The following RASGRF1 variants were observed in gnomAD, a reference collection of about 807,000 sequenced individuals.
RASGRF1 encodes Ras protein specific guanine nucleotide releasing factor 1.
A neutral mutation model predicts 138.7 loss-of-function variants in RASGRF1; 40 were observed. The observed-to-expected ratio is 0.29, with a 90% CI of 0.22 to 0.38. RASGRF1 has a LOEUF of 0.38. RASGRF1 is among the 10% of genes least tolerant of loss of function. RASGRF1 has a pLI of 1.00. For synonymous variants in RASGRF1, 614 were observed against 663.2 expected, an observed-to-expected ratio of 0.93 and a Z score of 1.14; for missense variants, 1,108 against 1,650.4, an observed-to-expected ratio of 0.67 and a Z score of 5.69.
chr15:79,039,450 T>A (rs988337167), intron 5 of RASGRF1, among the ~76,000 whole-genome samples: 13 of 152,190 alleles, frequency 8.5e-5, no homozygotes, highest in African/African-American at 3.1e-4. Flanking sequence ...ATATTTTAAT[T>A]ACAGGTGGGG....
intron 16 of RASGRF1, 87 bp downstream of exon 16, chr15:79,001,575 T>G: frequency 6.1e-6 from 9 of 1,467,286 alleles, no homozygotes; most frequent in Non-Finnish European, 8.4e-6. Context: ...GCATAAGGGA[T>G]GACACCCACT....
intron 10 of RASGRF1, 24 bp from the exon 11 acceptor site, chr15:79,020,128 CTTT>C (rs1466449759): frequency 6.2e-7 from 1 of 1,611,944 alleles, no homozygotes; most frequent in Non-Finnish European, 8.5e-7. Context: ...GCAGGGGCTG[CTTT>C]GGATTGAGGG....
intron 9 of RASGRF1, 45 bp from the exon 10 acceptor site, chr15:79,025,519 C>T (rs368082188): frequency 7.6e-6 from 12 of 1,576,360 alleles, no homozygotes; most frequent in Non-Finnish European, 1.0e-5. Context: ...CCTGGGGTGA[C>T]CTTTGCCTCT....
At position 79,017,851 on chromosome 15, in the gene RASGRF1, T is replaced by C. The variant is rs762724512; in HGVS notation, c.1662A>G (p.Pro554=). ...DHLDFKIGVE[P]KDSPPFTVIL... ...TGACTGTAAAGGGCGGGGAATCCTT[T>C]GGCTCCACCCCGATTTTAAAATCCA... The change falls in exon 12 of 27, where the codon CCA becomes CCG. Residue 554 remains proline (P), a synonymous_variant. Coordinates refer to ENST00000558480, the MANE Select transcript of RASGRF1 (RefSeq NM_001145648.3). 6.8e-6 allele frequency: 11 copies of C among 1,613,694 alleles called. No individual in the cohort carries two copies. Among genetic ancestry groups the C allele is most frequent in the South Asian group, 3.3e-5 (3 of 91,004 alleles).
intron 26 of RASGRF1, among the ~76,000 whole-genome samples, chr15:78,968,291 A>G (rs1047490651): frequency 3.0e-5 from 3 of 99,480 alleles, no homozygotes; most frequent in African/African-American, 1.3e-4. Flanking sequence ...TTATTTTTAG[A>G]CACAAAGCCT....
intron 5 of RASGRF1, among the ~76,000 whole-genome samples, chr15:79,040,485 G>A (rs952506576): frequency 6.6e-6 from 1 of 152,204 alleles, no homozygotes; most frequent in African/African-American, 2.4e-5. Flanking sequence ...GCCTCTGTCT[G>A]TCTCATGGGC....
At chr15:79,064,606 T>C (rs2057652475) in intron 1 of RASGRF1, 80 bp from the exon 2 acceptor site, 2 of 1,362,464 alleles carry the variant, frequency 1.5e-6, no homozygotes, top group Non-Finnish European at 2.1e-6. Flanking sequence ...TCTAGCTGTT[T>C]TGCAAAGTGC....
At chr15:79,077,392 C>T (rs2057848000) in intron 1 of RASGRF1, among the ~76,000 whole-genome samples, 1 of 152,186 alleles carries the variant, frequency 6.6e-6, no homozygotes, top group African/African-American at 2.4e-5. Context: ...GCTCCTCGTT[C>T]ATGAAAAGGC....
chr15:79,048,606 T>C (rs2057386362), intron 4 of RASGRF1, among the ~76,000 whole-genome samples: 1 of 152,240 alleles, frequency 6.6e-6, no homozygotes, highest in South Asian at 2.1e-4. Context: ...GCTATTTCTA[T>C]TCTTGAGAAA....
intron 11 of RASGRF1, among the ~76,000 whole-genome samples, chr15:79,018,501 C>T (rs2056912554): frequency 6.6e-6 from 1 of 152,206 alleles, no homozygotes; most frequent in African/African-American, 2.4e-5. Context: ...CTTTTCAATG[C>T]ACTCACATTA....
rs375421392 is a variant in RASGRF1, at chr15:78,973,111, C to T, written c.3612+192G>A. On this transcript the variant is annotated intron_variant, in intron 25 of 26. Coordinates refer to ENST00000558480, the MANE Select transcript of RASGRF1 (RefSeq NM_001145648.3). This position sits in a 1 kb window ranked among gnomAD's most constrained non-coding sequence, Gnocchi z 4.9. Reference sequence around the variant, plus strand: ...AGGAAATGCCGGTGAAAGCATGGCTCAGGGCCTGCCAGATTCTAACTGCTC... The same window carrying T: ...AGGAAATGCCGGTGAAAGCATGGCTTAGGGCCTGCCAGATTCTAACTGCTC... Among the ~76,000 whole-genome samples, 11 of 152,290 alleles carry T rather than the reference C, an allele frequency of 7.2e-5. No individual in the cohort carries two copies. The East Asian group carries it at 1.7e-3, about 24-fold the overall frequency.
Position 79,006,887 on chromosome 15 carries a change from C to T in RASGRF1, c.1827-453G>A, listed in dbSNP as rs1461138484. Reference sequence around the variant, plus strand: ...GTTAGCTAGGTGTGGTGGCCCATACCTGTAATACCAGTTACTAGGGAGGCT... The same window carrying T: ...GTTAGCTAGGTGTGGTGGCCCATACTTGTAATACCAGTTACTAGGGAGGCT... On this transcript the variant is annotated intron_variant, in intron 13 of 26. Transcript: ENST00000558480. This position sits in a 1 kb window ranked among gnomAD's most constrained non-coding sequence, Gnocchi z 4.0. Among the ~76,000 whole-genome samples, 1 of 152,128 alleles carries T rather than the reference C, an allele frequency of 6.6e-6. No homozygotes were observed. The highest frequency in any genetic ancestry group is 1.5e-5 in the Non-Finnish European group (1 of 68,028).
In RASGRF1 at chr15:79,064,488, T is replaced by C; in HGVS notation, c.315A>G (p.Lys105=). 1 of 1,614,230 alleles carries C rather than the reference T, an allele frequency of 6.2e-7. No homozygotes were observed. Residue 105 remains lysine, a synonymous_variant, in exon 2 of 27, where the codon AAA becomes AAG. Transcript: ENST00000558480. ...FTVNFSHENQ[K]ALELRTEDAK... ...CGTCCTCTGTCCTCAGCTCCAAGGC[T>C]TTCTGGTTCTCATGGCTGAAGTTCA...
chr15:79,046,757 G>T lies in RASGRF1; in HGVS notation c.867C>A (p.Ile289=), dbSNP rs760627565. The change falls in exon 5 of 27, where the codon ATC becomes ATA. Residue 289 remains isoleucine, a synonymous_variant. Coordinates refer to ENST00000558480, the MANE Select transcript of RASGRF1 (RefSeq NM_001145648.3). The surrounding 1 kb of genome is among the most constrained non-coding windows in gnomAD (Gnocchi z 5.3). ...TTAGGGGTGCTCACCTGTTCAGGAA[G>T]ATGCTGCTGACGTCGTCGTGTGTGA... is the stretch of plus-strand genomic sequence containing the variant. ...PPITHDDVSS[I]FLNSETIMFL... is the part of the protein sequence containing the mutation. The T allele has an allele frequency of 6.2e-6, 10 of 1,614,150 alleles. No homozygotes were observed. The African/African-American group carries it at 9.3e-5, about 15-fold the overall frequency.
chr15:79,046,160 GT>G lies in RASGRF1; in HGVS notation c.878+585del, dbSNP rs1026169724. Among the ~76,000 whole-genome samples the G allele has an allele frequency of 2.4e-4, 37 of 152,282 alleles. No homozygotes were observed. Among genetic ancestry groups the G allele is most frequent in the African/African-American group, 8.7e-4 (36 of 41,558 alleles). Reference sequence around the variant, plus strand: ...AGTGACTTCTTTGTAAGACATGTGGGTAGCGTGGTCCACAGCAGAACTCTAA... The same window carrying G: ...AGTGACTTCTTTGTAAGACATGTGGGAGCGTGGTCCACAGCAGAACTCTAA... On this transcript the variant is annotated intron_variant, in intron 5 of 26. Coordinates refer to ENST00000558480, the MANE Select transcript of RASGRF1 (RefSeq NM_001145648.3). This position sits in a 1 kb window ranked among gnomAD's most constrained non-coding sequence, Gnocchi z 5.3.
At chr15:79,007,772 C>T (rs1461211047) in intron 13 of RASGRF1, among the ~76,000 whole-genome samples, 2 of 151,558 alleles carry the variant, frequency 1.3e-5, no homozygotes, top group Non-Finnish European at 2.9e-5. Context: ...AGGCTGGTCT[C>T]GAATTCCAGG....
intron 8 of RASGRF1, among the ~76,000 whole-genome samples, chr15:79,029,972 A>C (rs941565247): frequency 6.6e-6 from 1 of 152,178 alleles, no homozygotes; most frequent in Non-Finnish European, 1.5e-5. Context: ...CGGAGTCCCA[A>C]ACCTTCTCCC....
intron 5 of RASGRF1, among the ~76,000 whole-genome samples, chr15:79,042,574 C>G (rs1363176050): frequency 6.6e-6 from 1 of 152,214 alleles, no homozygotes; most frequent in Non-Finnish European, 1.5e-5. Context: ...AAATGGGTTG[C>G]TGGAGAGAAT....
chr15:79,089,965 C>G lies in RASGRF1; in HGVS notation c.276+258G>C, dbSNP rs537554532. Reference sequence around the variant, plus strand: ...CTCCAGGTGTCGGCCCCTCTGTACCCGCCTCCCACGGGGCTCGTCCGGCGA... The same window carrying G: ...CTCCAGGTGTCGGCCCCTCTGTACCGGCCTCCCACGGGGCTCGTCCGGCGA... On this transcript the variant is annotated intron_variant, in intron 1 of 26. Transcript: ENST00000558480. Among the ~76,000 whole-genome samples, 11 of 152,346 alleles carry G rather than the reference C, an allele frequency of 7.2e-5. No homozygotes were observed. In the East Asian group the frequency reaches 2.1e-3, roughly 29 times the overall value.
Sources: gnomAD v4.1 joint callset for allele counts (sites outside exome capture counted in the v4.1 genomes callset) on GRCh38, gnomAD v4.1.1 for gene constraint, Gnocchi (gnomAD v3.1) non-coding constraint, MANE v1.5 for transcripts, NCBI Gene and HGNC (gene_info 2026-07-23, HGNC 2026-07-21) for gene names.